Variants in NRK observed in about 807,000 individuals in gnomAD.
NRK encodes nik-related protein kinase.
A neutral mutation model predicts 125.2 loss-of-function variants in NRK; 67 were observed. That is an observed-to-expected ratio of 0.54 (90% CI 0.44 to 0.66). The LOEUF (loss-of-function observed/expected upper bound fraction) is 0.66, where lower values mean the gene tolerates loss of function less well. Ranked by LOEUF, NRK falls within the 30% of genes least tolerant of loss-of-function variation. The probability of loss-of-function intolerance (pLI) is 0.00; values close to 1 mark genes in which losing one functional copy is unlikely to be tolerated. For synonymous variants in NRK, 458 were observed against 429.0 expected (o/e 1.07, Z -0.84); for missense variants, 1,224 against 1,192.9 (o/e 1.03, Z -0.38).
rs1407466024 is a variant in NRK, at chrX:105,822,646, C to T, written c.-200C>T. On this transcript the variant is annotated 5_prime_UTR_variant, in exon 1 of 29. Coordinates refer to ENST00000243300, the MANE Select transcript of NRK (RefSeq NM_198465.4). ...CCAACTTGCTTTCCCGCCTCGCAAACTCCGGTTTCCCTCCACTCCCAACTC... is the reference window on the plus strand; with the variant it reads ...CCAACTTGCTTTCCCGCCTCGCAAATTCCGGTTTCCCTCCACTCCCAACTC... 4.3e-6 allele frequency: 2 copies of T among 469,930 alleles called. No individual in the cohort carries two copies. The highest frequency in any genetic ancestry group is 3.2e-5 in the Admixed American group (1 of 31,708). 38.7% of individuals were successfully genotyped at this position (469,930 alleles called of 1,213,427 possible). A position where few individuals can be genotyped will look rare whatever the true frequency, so the allele number is the denominator to read the frequency against.
At chrX:105,877,747 C>A (rs1000301794) in intron 2 of NRK, among the ~76,000 whole-genome samples, 3 of 110,613 alleles carry the variant, frequency 2.7e-5, no homozygotes, top group African/African-American at 9.8e-5. Context: ...GTTCAGTGAG[C>A]ATATTTTTCA....
intron 2 of NRK, among the ~76,000 whole-genome samples, chrX:105,851,032 G>T (rs1488391146): frequency 8.9e-6 from 1 of 112,071 alleles, no homozygotes; most frequent in Non-Finnish European, 1.9e-5. Flanking sequence ...CCCAAGACTG[G>T]GAAGAAAAAG....
At chrX:105,889,839 T>C (rs2039994653) in intron 5 of NRK, among the ~76,000 whole-genome samples, 3 of 112,058 alleles carry the variant, frequency 2.7e-5, no homozygotes, top group South Asian at 3.8e-4. Flanking sequence ...GCCTGGCCCA[T>C]GAAACCATTT....
intron 2 of NRK, among the ~76,000 whole-genome samples, chrX:105,851,200 C>A (rs1179696112): frequency 2.7e-5 from 3 of 111,945 alleles, no homozygotes; most frequent in Non-Finnish European, 5.6e-5. Context: ...AGGGTGCACA[C>A]CAAAATCTTC....
At chrX:105,939,791 G>T in intron 22 of NRK, 83 bp from the exon 23 acceptor site, 1 of 580,650 alleles carries the variant, frequency 1.7e-6, no homozygotes. Flanking sequence ...ATTTTTAAAA[G>T]GCAAAATATC....
intron 26 of NRK, among the ~76,000 whole-genome samples, chrX:105,947,801 C>T (rs1490501738): frequency 8.9e-6 from 1 of 112,174 alleles, no homozygotes; most frequent in Non-Finnish European, 1.9e-5. Flanking sequence ...TTGAACAGCT[C>T]TCAGAATTGT....
At chrX:105,946,153 T>A (rs2040809938) in intron 25 of NRK, 138 bp downstream of exon 25, 1 of 764,488 alleles carries the variant, frequency 1.3e-6, no homozygotes, top group African/African-American at 2.1e-5. Flanking sequence ...ATAACAGGTC[T>A]AAGAAAAACT....
At chrX:105,868,550 T>G (rs1390228311) in intron 2 of NRK, among the ~76,000 whole-genome samples, 2 of 111,654 alleles carry the variant, frequency 1.8e-5, no homozygotes, top group African/African-American at 6.5e-5. Context: ...AGATTTCACT[T>G]GCCTACCTCA....
chrX:105,919,935 TG>T (rs1254770381), intron 16 of NRK, among the ~76,000 whole-genome samples: 41 of 106,248 alleles, frequency 3.9e-4, no homozygotes, highest in African/African-American at 1.3e-3. Flanking sequence ...TTGTTGCCAT[TG>T]CTTTTGGTGT....
At chrX:105,892,970 T>A (rs1174010913) in intron 5 of NRK, among the ~76,000 whole-genome samples, 1 of 111,787 alleles carries the variant, frequency 8.9e-6, no homozygotes, top group African/African-American at 3.2e-5. Flanking sequence ...GATAAAGTAT[T>A]TTTGAAGTGG....
upstream of NRK, among the ~76,000 whole-genome samples, chrX:105,822,197 G>A (rs1334133186): frequency 8.9e-6 from 1 of 111,881 alleles, no homozygotes; most frequent in Non-Finnish European, 1.9e-5. Flanking sequence ...GGCCCAGACT[G>A]GGAGCGGCGC....
intron 2 of NRK, among the ~76,000 whole-genome samples, chrX:105,862,561 T>C (rs2039616571): frequency 8.9e-6 from 1 of 112,563 alleles, no homozygotes; most frequent in South Asian, 3.6e-4. Context: ...AGTTCTTTCT[T>C]CCTCATGATT....
chrX:105,826,400 T>A (rs375668909), intron 1 of NRK, among the ~76,000 whole-genome samples: 3 of 60,517 alleles, frequency 5.0e-5, no homozygotes, highest in African/African-American at 2.1e-4. Context: ...AATATATATA[T>A]AATATATATA....
chrX:105,920,373 G>A (rs2040424546), intron 16 of NRK, among the ~76,000 whole-genome samples: 1 of 104,545 alleles, frequency 9.6e-6, no homozygotes, highest in Non-Finnish European at 1.9e-5. Flanking sequence ...ACTTGGCGAT[G>A]CGGGCTCTTT....
In NRK at chrX:105,898,678, C is replaced by T. The variant is rs1602651734; in HGVS notation, c.675C>T (p.Asp225=). 8.4e-7 allele frequency: 1 copy of T among 1,196,138 alleles called. No homozygotes were observed. The highest frequency in any genetic ancestry group is 1.8e-5 in the African/African-American group (1 of 56,692). ...ACTGGATGGCACCTGAGGTGATTGA[C>T]TGTGATGAGGACCCAAGACGCTCCT... ...TPYWMAPEVI[D]CDEDPRRSYD... The change falls in exon 8 of 29, where the codon GAC becomes GAT. Residue 225 remains aspartate (D), a synonymous_variant. Coordinates refer to ENST00000243300, the MANE Select transcript of NRK (RefSeq NM_198465.4).
At chrX:105,895,101 G>A in intron 6 of NRK, 1 of 442,215 alleles carries the variant, frequency 2.3e-6, no homozygotes, top group Non-Finnish European at 3.9e-6. Flanking sequence ...TATTCAAGAT[G>A]TCCAGATCTT....
At chrX:105,944,998 T>G (rs1047490775) in intron 24 of NRK, among the ~76,000 whole-genome samples, 5 of 112,007 alleles carry the variant, frequency 4.5e-5, no homozygotes, top group Non-Finnish European at 9.4e-5. Context: ...CTTATAATGC[T>G]CCAGAATTCT....
At chrX:105,894,424 G>C (rs2040054873) in intron 6 of NRK, among the ~76,000 whole-genome samples, 1 of 111,609 alleles carries the variant, frequency 9.0e-6, no homozygotes, top group Non-Finnish European at 1.9e-5. Context: ...AGTTGGATGA[G>C]AGCAACAATC....
intron 2 of NRK, among the ~76,000 whole-genome samples, chrX:105,860,778 TGTC>T (rs2039591692): frequency 9.0e-6 from 1 of 111,140 alleles, no homozygotes; most frequent in African/African-American, 3.3e-5. Context: ...AGTTTATTCA[TGTC>T]GTAGTATGAA....
Sources: allele counts gnomAD v4.1 joint callset (sites outside exome capture counted in the v4.1 genomes callset), GRCh38; gene constraint gnomAD v4.1.1; transcripts MANE v1.5; gene names NCBI Gene and HGNC (gene_info 2026-07-23, HGNC 2026-07-21).